The following RIOK3 variants were observed in gnomAD, a reference collection of about 807,000 sequenced individuals.
The protein encoded by RIOK3 is serine/threonine-protein kinase RIO3.
In RIOK3, 40 loss-of-function variants were observed where a neutral mutation model predicts 63.5. The ratio of observed to expected loss-of-function variants is 0.63; its 90% CI spans 0.49 to 0.82. The LOEUF (loss-of-function observed/expected upper bound fraction) is 0.82, where lower values mean the gene tolerates loss of function less well. Ranked by LOEUF, RIOK3 falls within the 40% of genes least tolerant of loss-of-function variation. The pLI, the probability that RIOK3 is intolerant of heterozygous loss-of-function variation, is 0.00. For synonymous variants in RIOK3, 193 were observed against 205.0 expected, an observed-to-expected ratio of 0.94 and a Z score of 0.50; for missense variants, 557 against 637.0, an observed-to-expected ratio of 0.87 and a Z score of 1.35.
intron 7 of RIOK3, among the ~76,000 whole-genome samples, chr18:23,469,331 CTCTCT>C (rs1568384313): frequency 1.6e-3 from 20 of 12,566 alleles, no homozygotes; most frequent in African/African-American, 3.6e-3. Context: ...CTCTCTCTCT[CTCTCT>C]CCCCCTCTCT....
In RIOK3 at chr18:23,481,297, TCA is replaced by T; in HGVS notation, c.*19_*20del. 7.0e-7 allele frequency: 1 copy of T among 1,432,468 alleles called. No individual in the cohort carries two copies. Among genetic ancestry groups the T allele is most frequent in the South Asian group, 1.2e-5 (1 of 81,798 alleles). 88.7% of individuals were successfully genotyped at this position (1,432,468 alleles called of 1,614,324 possible). On this transcript the variant is annotated 3_prime_UTR_variant, in exon 13 of 13. Coordinates refer to ENST00000339486, the MANE Select transcript of RIOK3 (RefSeq NM_003831.5). ...ATGAATAGCACTAATACCCACTGCTTCAGTGTTAACACAGCAGTGATTGTCAG... is the reference window on the plus strand; with the variant it reads ...ATGAATAGCACTAATACCCACTGCTTGTGTTAACACAGCAGTGATTGTCAG...
chr18:23,473,371 A>G, intron 7 of RIOK3, 58 bp from the exon 8 acceptor site: 1 of 996,408 alleles, frequency 1.0e-6, no homozygotes, highest in Non-Finnish European at 1.5e-6. Context: ...TTATTTTGAA[A>G]TTGTTGTACT....
At chr18:23,480,589 ACATAG>A (rs971957838) in intron 12 of RIOK3, among the ~76,000 whole-genome samples, 6 of 149,890 alleles carry the variant, frequency 4.0e-5, no homozygotes, top group African/African-American at 1.5e-4. Context: ...ACACACACAC[ACATAG>A]TAATTTCAAC....
At chr18:23,472,763 AT>A (rs947219910) in intron 7 of RIOK3, among the ~76,000 whole-genome samples, 11 of 151,808 alleles carry the variant, frequency 7.2e-5, no homozygotes, top group Middle Eastern at 3.4e-3. Flanking sequence ...TTTAGCTCCA[AT>A]TTTTTTTCAT....
rs138092209 is a variant in RIOK3, at chr18:23,457,126, T to C, written c.63+3624T>C. ...ATGTAATATTACTATTATGAAAATT[T>C]TGACTTCATAGACCCTCTGAATGGG... On this transcript the variant is annotated intron_variant, in intron 1 of 12. Transcript: ENST00000339486. 2.8e-3 allele frequency among the ~76,000 whole-genome samples: 430 copies of C among 152,286 alleles called. 3 individuals are homozygous for C. The highest frequency in any genetic ancestry group is 9.4e-3 in the African/African-American group (390 of 41,552).
chr18:23,477,186 T>G lies in RIOK3; in HGVS notation c.1262T>G (p.Leu421Trp). The G allele has an allele frequency of 6.2e-7, 1 of 1,614,130 alleles. No homozygotes were observed. Among genetic ancestry groups the G allele is most frequent in the Non-Finnish European group, 8.5e-7 (1 of 1,179,954 alleles). ...TGTTCTGTATTGAAATAGGTCTGGT[T>G]GATCGATGTCAGTCAGTCAGTAGAA... ...NMLWHAGKVW[L>W]IDVSQSVEPT... Residue 421 changes from leucine (L) to tryptophan (W), a missense_variant, in exon 11 of 13, where the codon TTG becomes TGG. Physicochemically the swap from Leu to Trp is moderately conservative, Grantham distance 61. This residue lies in a region of RIOK3 where 309 missense variants were observed against 338.7 expected (regional missense o/e 0.91). Coordinates refer to ENST00000339486, the MANE Select transcript of RIOK3 (RefSeq NM_003831.5).
intron 5 of RIOK3, 104 bp downstream of exon 5, chr18:23,464,732 C>A: frequency 1.7e-6 from 1 of 576,654 alleles, no homozygotes; most frequent in South Asian, 4.2e-5. Context: ...AAATGTCTTT[C>A]TTTCTAAAGA....
intron 8 of RIOK3, 32 bp from the exon 9 acceptor site, chr18:23,474,916 C>T: frequency 6.5e-7 from 1 of 1,529,528 alleles, no homozygotes; most frequent in South Asian, 1.1e-5. Flanking sequence ...TCCTTCTGAT[C>T]TGTATATTCT....
chr18:23,458,836 G>A (rs749617585), intron 1 of RIOK3, among the ~76,000 whole-genome samples: 6 of 152,220 alleles, frequency 3.9e-5, no homozygotes, highest in South Asian at 2.1e-4. Context: ...GAAGCTGTCC[G>A]TCTCACAGCC....
chr18:23,477,187 G>T lies in RIOK3; in HGVS notation c.1263G>T (p.Leu421Phe). ...NMLWHAGKVW[L>F]IDVSQSVEPT... ...GTTCTGTATTGAAATAGGTCTGGTT[G>T]ATCGATGTCAGTCAGTCAGTAGAAC... The change falls in exon 11 of 13, where the codon TTG becomes TTT. Residue 421 changes from leucine (L) to phenylalanine (F), a missense_variant. Coordinates refer to ENST00000339486, the MANE Select transcript of RIOK3 (RefSeq NM_003831.5). 1.2e-6 allele frequency: 2 copies of T among 1,614,068 alleles called. No homozygotes were observed. The highest frequency in any genetic ancestry group is 2.2e-5 in the South Asian group (2 of 91,060).
chr18:23,473,607 GA>G lies in RIOK3; in HGVS notation c.997del (p.Met333CysfsTer20), dbSNP rs1268576037. 2 of 1,612,834 alleles carry G rather than the reference GA, an allele frequency of 1.2e-6. No homozygotes were observed. The highest frequency in any genetic ancestry group is 2.7e-5 in the African/African-American group (2 of 75,024). On this transcript the variant is annotated frameshift_variant, in exon 8 of 13. Transcript: ENST00000339486. LOFTEE classifies it high-confidence loss of function. ...RKIIRMWAEKEMHNLARMQRA... is the reference protein window; with the variant it reads ...RKIIRMWAEKXMHNLARMQRA... ...GATCATCCGCATGTGGGCAGAAAAA[GA>G]AATGCACAATCTCGCAAGGTAAAGA...
chr18:23,481,117 G>A (rs557525747), intron 12 of RIOK3, 55 bp from the exon 13 acceptor site: 1 of 1,286,960 alleles, frequency 7.8e-7, no homozygotes, highest in African/African-American at 1.5e-5. Flanking sequence ...TCTAAAATAT[G>A]GTTTCTGTGA....
At chr18:23,453,603 G>A (rs2145661567) in intron 1 of RIOK3, 101 bp downstream of exon 1, 3 of 1,086,676 alleles carry the variant, frequency 2.8e-6, no homozygotes, top group Non-Finnish European at 4.2e-6. Context: ...GGGAAGTTCT[G>A]GGGCGGGACC....
chr18:23,463,860 C>T, intron 2 of RIOK3, 107 bp from the exon 3 acceptor site: 1 of 922,568 alleles, frequency 1.1e-6, no homozygotes, highest in South Asian at 1.6e-5. Context: ...AGAGTTCTTT[C>T]CCATTGTTCA....
Position 23,467,468 on chromosome 18 carries a change from A to G in RIOK3, c.757A>G (p.Ile253Val), listed in dbSNP as rs1598809029. The G allele has an allele frequency of 1.2e-6, 2 of 1,613,796 alleles. No homozygotes were observed. The highest frequency in any genetic ancestry group is 1.7e-6 in the Non-Finnish European group (2 of 1,179,718). Residue 253 changes from isoleucine (I) to valine (V), a missense_variant, in exon 7 of 13, where the codon ATC becomes GTC. Physicochemically the swap from Ile to Val is conservative, Grantham distance 29 (BLOSUM62 3). Around this residue, in one of 3 missense-constraint regions of RIOK3, gnomAD observed 309 missense variants for 338.7 expected, o/e 0.91. Coordinates refer to ENST00000339486, the MANE Select transcript of RIOK3 (RefSeq NM_003831.5). ...GGTCAACTCTGGAATGTTGGAGACA[A>G]TCACTGGCTGTATTAGTACAGGAAA... ...KMVNSGMLETITGCISTGKES... is the reference protein window; with the variant it reads ...KMVNSGMLETVTGCISTGKES...
intron 11 of RIOK3, 134 bp from the exon 12 acceptor site, chr18:23,479,183 C>CTG (rs45523933): frequency 0.038 from 19,397 of 516,684 alleles, 419 homozygotes; most frequent in African/African-American, 0.13. Flanking sequence ...GTTGAAATTA[C>CTG]TGTGTGTGTG....
chr18:23,466,726 G>A (rs963147294), intron 6 of RIOK3, among the ~76,000 whole-genome samples: 1 of 149,916 alleles, frequency 6.7e-6, no homozygotes, highest in African/African-American at 2.5e-5. Flanking sequence ...AAATAAGCCA[G>A]GTGAGGTGGC....
chr18:23,464,251 A>T lies in RIOK3; in HGVS notation c.371A>T (p.Asp124Val). The T allele has an allele frequency of 1.9e-6, 3 of 1,614,186 alleles. No individual in the cohort carries two copies. Among genetic ancestry groups the T allele is most frequent in the Non-Finnish European group, 2.5e-6 (3 of 1,180,014 alleles). ...ENYRKVHPYE[D>V]SDSSEDEVDW... ...TATCGAAAAGTGCATCCTTATGAAG[A>T]CAGCGATAGCTCTGAAGATGAGGTT... Residue 124 changes from aspartate (D) to valine (V), a missense_variant, in exon 4 of 13, where the codon GAC (aspartate) becomes GTC (valine). Transcript: ENST00000339486.
rs974050017 is a variant in RIOK3, at chr18:23,463,284, G to A, written c.179+205G>A. ...CAAACCACTGTTTCTGTGGGTTTTA[G>A]TTATATCGCGTTAATGCTGCAGTTG... On this transcript the variant is annotated intron_variant, in intron 2 of 12. Transcript: ENST00000339486. The A allele has an allele frequency of 1.4e-5, 6 of 423,840 alleles. No individual in the cohort carries two copies. The East Asian group carries it at 2.4e-4, about 17-fold the overall frequency. The allele number at this position is 423,840 out of a possible 1,614,324, so 26.3% of individuals were successfully genotyped here.
Sources: gnomAD v4.1 joint callset for allele counts (sites outside exome capture counted in the v4.1 genomes callset) on GRCh38, gnomAD v4.1.1 for gene constraint, gnomAD v4.1.1 regional missense constraint, MANE v1.5 for transcripts, NCBI Gene and HGNC (gene_info 2026-07-23, HGNC 2026-07-21) for gene names.